The following CFAP58 variants were observed in gnomAD, a reference collection of about 807,000 sequenced individuals.
The protein encoded by CFAP58 is cilia and flagella associated protein 58.
In CFAP58, 88 loss-of-function variants were observed where a neutral mutation model predicts 119.5. The observed-to-expected ratio is 0.74, with a 90% confidence interval of 0.62 to 0.88. The LOEUF (loss-of-function observed/expected upper bound fraction) is 0.88, where lower values mean the gene tolerates loss of function less well. Among genes scored for constraint, CFAP58 ranks in the 40% least tolerant of loss-of-function variants. The pLI is 0.00. For missense variants in CFAP58, 990 were observed against 1,021.2 expected, an observed-to-expected ratio of 0.97 and a Z score of 0.42; for synonymous variants, 365 against 366.3, an observed-to-expected ratio of 1.00 and a Z score of 0.04.
chr10:104,377,816 G>T (rs1215326201), intron 8 of CFAP58, among the ~76,000 whole-genome samples: 2 of 152,188 alleles, frequency 1.3e-5, no homozygotes, highest in African/African-American at 4.8e-5. Context: ...GGAACTTATA[G>T]ATTAGATCTT....
At chr10:104,402,909 C>G (rs993723191) in intron 13 of CFAP58, among the ~76,000 whole-genome samples, 1 of 152,124 alleles carries the variant, frequency 6.6e-6, no homozygotes, top group African/African-American at 2.4e-5. Context: ...AGGGTAGAGA[C>G]GTATGCCCTA....
At chr10:104,379,706 T>G (rs528249390) in intron 8 of CFAP58, among the ~76,000 whole-genome samples, 56 of 152,214 alleles carry the variant, frequency 3.7e-4, no homozygotes, top group Non-Finnish European at 6.9e-4. Context: ...GATTCACATC[T>G]TTGCTCTGCC....
intron 5 of CFAP58, 94 bp from the exon 6 acceptor site, chr10:104,368,329 A>T: frequency 8.4e-7 from 1 of 1,194,494 alleles, no homozygotes; most frequent in East Asian, 2.5e-5. Flanking sequence ...GGTTGCTGTT[A>T]TCTTCCCAGG....
the CFAP58 span, among the ~76,000 whole-genome samples, chr10:104,347,005 C>T: frequency 1.3e-5 from 2 of 152,026 alleles, no homozygotes; most frequent in African/African-American, 2.4e-5. Context: ...CTGAGTAGGA[C>T]ATCAAACTGC....
chr10:104,434,493 G>T (rs373665450), intron 15 of CFAP58, among the ~76,000 whole-genome samples: 9 of 152,212 alleles, frequency 5.9e-5, no homozygotes, highest in African/African-American at 2.2e-4. Flanking sequence ...TGGGACCACA[G>T]ACTGTGGGTT....
intron 15 of CFAP58, among the ~76,000 whole-genome samples, chr10:104,445,971 G>T (rs2013107778): frequency 6.6e-6 from 1 of 152,292 alleles, no homozygotes; most frequent in South Asian, 2.1e-4. Context: ...CTCTGTCATT[G>T]TGAGGTTCTT....
intron 16 of CFAP58, 119 bp from the exon 17 acceptor site, chr10:104,449,952 T>C: frequency 1.0e-6 from 1 of 982,318 alleles, no homozygotes; most frequent in Non-Finnish European, 1.5e-6. Context: ...AGATTAATTG[T>C]GAAACTTGGG....
intron 15 of CFAP58, among the ~76,000 whole-genome samples, chr10:104,447,186 T>TC (rs113945593): frequency 0.31 from 45,927 of 147,770 alleles, 7,111 homozygotes; most frequent in East Asian, 0.38. Context: ...TTCCTCTCTC[T>TC]TTTTTTTTTT....
intron 15 of CFAP58, among the ~76,000 whole-genome samples, chr10:104,408,045 C>T (rs1294854783): frequency 6.6e-6 from 1 of 152,146 alleles, no homozygotes; most frequent in Non-Finnish European, 1.5e-5. Flanking sequence ...GGAGTAGGAA[C>T]TTCTATATAT....
intron 15 of CFAP58, among the ~76,000 whole-genome samples, chr10:104,444,098 T>G (rs575378774): frequency 6.6e-6 from 1 of 152,348 alleles, no homozygotes; most frequent in African/African-American, 2.4e-5. Context: ...GTATTAGTAG[T>G]TGAGCTTGAT....
At chr10:104,396,391 AG>A (rs1219886305) in intron 11 of CFAP58, among the ~76,000 whole-genome samples, 5 of 34,256 alleles carry the variant, frequency 1.5e-4, no homozygotes, top group African/African-American at 8.7e-4. Context: ...AGAGAGAGAG[AG>A]AGAGAGAGAG....
At chr10:104,394,802 C>G (rs927751625) in intron 11 of CFAP58, among the ~76,000 whole-genome samples, 1 of 152,064 alleles carries the variant, frequency 6.6e-6, no homozygotes, top group African/African-American at 2.4e-5. Context: ...GCATCTTTGC[C>G]CTTGTACTCC....
At chr10:104,366,857 ATTTATTTTTATT>A (rs941687496) in intron 5 of CFAP58, among the ~76,000 whole-genome samples, 6 of 151,718 alleles carry the variant, frequency 4.0e-5, no homozygotes, top group Middle Eastern at 3.4e-3. Context: ...ATTTTTATTT[ATTTATTTTTATT>A]TTTATTTTTA....
intron 15 of CFAP58, among the ~76,000 whole-genome samples, chr10:104,416,088 A>C (rs1589928412): frequency 6.6e-6 from 1 of 152,182 alleles, no homozygotes; most frequent in Non-Finnish European, 1.5e-5. Flanking sequence ...GACCTCCTAG[A>C]CTGATAGAAC....
At chr10:104,408,779 A>T (rs2012407761) in intron 15 of CFAP58, among the ~76,000 whole-genome samples, 1 of 152,036 alleles carries the variant, frequency 6.6e-6, no homozygotes, top group Non-Finnish European at 1.5e-5. Context: ...TAATATAAAT[A>T]TTTCAGTTAT....
chr10:104,383,328 C>A (rs1382648819), intron 9 of CFAP58, among the ~76,000 whole-genome samples: 2 of 152,126 alleles, frequency 1.3e-5, no homozygotes, highest in Non-Finnish European at 2.9e-5. Flanking sequence ...TTATAGTGAG[C>A]TTTTGGGGGC....
At chr10:104,422,707 C>T (rs2012681205) in intron 15 of CFAP58, among the ~76,000 whole-genome samples, 1 of 152,204 alleles carries the variant, frequency 6.6e-6, no homozygotes, top group Non-Finnish European at 1.5e-5. Context: ...CTCATGGTAA[C>T]AGCCTTAGAG....
At chr10:104,435,525 AC>A (rs1390389671) in intron 15 of CFAP58, among the ~76,000 whole-genome samples, 1 of 152,094 alleles carries the variant, frequency 6.6e-6, no homozygotes, top group African/African-American at 2.4e-5. Context: ...ACAGACTGCA[AC>A]CCTTGTCCTT....
At chr10:104,419,363 C>T (rs1183549492) in intron 15 of CFAP58, among the ~76,000 whole-genome samples, 1 of 152,140 alleles carries the variant, frequency 6.6e-6, no homozygotes, top group East Asian at 1.9e-4. Flanking sequence ...AACACTTAAC[C>T]TCTGATGGGC....
Sources: gnomAD v4.1 joint callset for allele counts (sites outside exome capture counted in the v4.1 genomes callset) on GRCh38, gnomAD v4.1.1 for gene constraint, MANE v1.5 for transcripts, NCBI Gene and HGNC (gene_info 2026-07-23, HGNC 2026-07-21) for gene names.